ARID1B: variants seen among roughly 807,000 people sequenced by gnomAD.
ARID1B encodes the protein AT-rich interaction domain 1B, also known as AT-rich interactive domain-containing protein 1B.
A neutral mutation model predicts 212.3 loss-of-function variants in ARID1B; 30 were observed. The ratio of observed to expected loss-of-function variants is 0.14; its 90% CI spans 0.11 to 0.19. ARID1B has a LOEUF of 0.19. Ranked by LOEUF, ARID1B falls within the 10% of genes least tolerant of loss-of-function variation. The probability of loss-of-function intolerance (pLI) is 1.00; values close to 1 mark genes in which losing one functional copy is unlikely to be tolerated. For missense variants in ARID1B, 2,891 were observed against 3,204.0 expected (o/e 0.90, Z 2.36); for synonymous variants, 1,402 against 1,301.7 (o/e 1.08, Z -1.66).
chr6:157,065,234 A>G (rs1204963586), intron 4 of ARID1B, among the ~76,000 whole-genome samples: 1 of 152,224 alleles, frequency 6.6e-6, no homozygotes, highest in Non-Finnish European at 1.5e-5. Context: ...TCTGAGAGAC[A>G]AATGAAAAAT....
intron 2 of ARID1B, among the ~76,000 whole-genome samples, chr6:156,838,816 A>G (rs1783695220): frequency 6.6e-6 from 1 of 152,104 alleles, no homozygotes; most frequent in Non-Finnish European, 1.5e-5. Context: ...AGAACTGGGA[A>G]AAGGTAAAGC....
At chr6:157,080,305 C>G (rs1271934422) in intron 4 of ARID1B, among the ~76,000 whole-genome samples, 1 of 152,152 alleles carries the variant, frequency 6.6e-6, no homozygotes, top group African/African-American at 2.4e-5. Flanking sequence ...GACTTATTCC[C>G]AGTTCTCTGA....
At chr6:156,881,080 C>T (rs1460700821) in intron 2 of ARID1B, among the ~76,000 whole-genome samples, 2 of 152,156 alleles carry the variant, frequency 1.3e-5, no homozygotes, top group Non-Finnish European at 2.9e-5. Flanking sequence ...TTGCCTGGGG[C>T]CTGCAGGAGT....
chr6:157,094,823 G>GT lies in ARID1B; in HGVS notation c.2491+9919dup, dbSNP rs1450417260. 1.3e-5 allele frequency among the ~76,000 whole-genome samples: 2 copies of GT among 152,316 alleles called. No individual in the cohort carries two copies. The highest frequency in any genetic ancestry group is 1.3e-4 in the Admixed American group (2 of 15,304). On this transcript the variant is annotated intron_variant, in intron 5 of 19. Coordinates refer to ENST00000636930, the MANE Select transcript of ARID1B (RefSeq NM_001374828.1). This position sits in a 1 kb window ranked among gnomAD's most constrained non-coding sequence, Gnocchi z 4.3. ...GAGGCTCCTGCAGTAACCACGCGGA[G>GT]TGTTGATGGCCGCTTGGATGTGCAC...
At chr6:157,002,409 G>C (rs1442801317) in intron 4 of ARID1B, among the ~76,000 whole-genome samples, 1 of 152,154 alleles carries the variant, frequency 6.6e-6, no homozygotes, top group Non-Finnish European at 1.5e-5. Flanking sequence ...AAATCTGTGA[G>C]AGGACTAAAA....
chr6:157,033,859 G>A (rs1034103108), intron 4 of ARID1B, among the ~76,000 whole-genome samples: 2 of 152,140 alleles, frequency 1.3e-5, no homozygotes, highest in Non-Finnish European at 2.9e-5. Flanking sequence ...TTTGCCTTTA[G>A]GAAGTTTCTA....
chr6:157,186,423 GC>G (rs1562333324), intron 13 of ARID1B: 1 of 471,096 alleles, frequency 2.1e-6, no homozygotes, highest in South Asian at 1.5e-5. Context: ...GTCTCGTCCA[GC>G]CCCGAGAGCG....
chr6:156,997,567 A>G (rs908909203), intron 4 of ARID1B, among the ~76,000 whole-genome samples: 4 of 152,100 alleles, frequency 2.6e-5, no homozygotes, highest in Non-Finnish European at 5.9e-5. Context: ...TATCCTCTCT[A>G]TGTAAGAAGT....
chr6:156,785,074 A>G (rs1779543978), intron 1 of ARID1B, among the ~76,000 whole-genome samples: 1 of 152,154 alleles, frequency 6.6e-6, no homozygotes, highest in Admixed American at 6.5e-5. Flanking sequence ...TTACTTACTT[A>G]AATAGGATCC....
chr6:156,939,636 T>C (rs1792516773), intron 4 of ARID1B: 1 of 152,224 alleles, frequency 6.6e-6, no homozygotes, highest in Non-Finnish European at 1.5e-5. Flanking sequence ...GCACCTGTGC[T>C]CTCTGTGCTG....
intron 6 of ARID1B, among the ~76,000 whole-genome samples, chr6:157,127,721 A>G (rs1788227091): frequency 6.8e-6 from 1 of 146,160 alleles, no homozygotes; most frequent in Non-Finnish European, 1.5e-5. Context: ...AGTTGCAGTG[A>G]GCCAAGATCG....
intron 4 of ARID1B, chr6:156,942,366 A>G (rs1371359017): frequency 1.3e-5 from 2 of 152,216 alleles, no homozygotes; most frequent in Non-Finnish European, 1.5e-5. Flanking sequence ...AGGGATGGGC[A>G]GGCTTTGACC....
At chr6:157,128,177 T>C (rs1788271238) in intron 6 of ARID1B, among the ~76,000 whole-genome samples, 2 of 152,210 alleles carry the variant, frequency 1.3e-5, no homozygotes, top group South Asian at 4.1e-4. Flanking sequence ...CTTCTAATTT[T>C]TTATCAATTT....
chr6:156,971,762 G>C (rs896319702), intron 4 of ARID1B, among the ~76,000 whole-genome samples: 1 of 152,106 alleles, frequency 6.6e-6, no homozygotes, highest in Non-Finnish European at 1.5e-5. Flanking sequence ...CTTCCTCAAG[G>C]CCAGCCAGAG....
intron 8 of ARID1B, among the ~76,000 whole-genome samples, chr6:157,165,446 T>TA (rs1791259910): frequency 6.6e-6 from 1 of 152,234 alleles, no homozygotes; most frequent in African/African-American, 2.4e-5. Context: ...GTAGACCAGT[T>TA]ATGGCTTTGA....
chr6:157,171,251 T>C (rs1361592292), intron 9 of ARID1B, among the ~76,000 whole-genome samples: 1 of 152,252 alleles, frequency 6.6e-6, no homozygotes, highest in Non-Finnish European at 1.5e-5. Context: ...AGGCTGGTGC[T>C]TGAAAAGTAT....
intron 4 of ARID1B, among the ~76,000 whole-genome samples, chr6:156,986,487 T>C (rs1054982752): frequency 6.6e-6 from 1 of 152,210 alleles, no homozygotes; most frequent in Non-Finnish European, 1.5e-5. Flanking sequence ...GGCTGGTAGT[T>C]AGGCCCTTGC....
chr6:157,021,997 A>AACC (rs1780329004), intron 4 of ARID1B, among the ~76,000 whole-genome samples: 1 of 152,110 alleles, frequency 6.6e-6, no homozygotes, highest in Non-Finnish European at 1.5e-5. Context: ...CCCCTCTCAA[A>AACC]ACCACCACCC....
rs554282837 is a variant in ARID1B, at chr6:157,188,293, C to A, written c.3920-1349C>A. ...CTTCTCTAAGTCATTCAGTGCAGGG[C>A]TCACAGGGACGGATGTTACGCAGTG... is the stretch of plus-strand genomic sequence containing the variant. On this transcript the variant is annotated intron_variant, in intron 13 of 19. Transcript: ENST00000636930. Among the ~76,000 whole-genome samples the A allele has an allele frequency of 5.3e-5, 8 of 152,258 alleles. 1 individual carries two copies. In the South Asian group the frequency reaches 1.7e-3, roughly 32 times the overall value.
Sources: gnomAD v4.1 joint callset for allele counts (sites outside exome capture counted in the v4.1 genomes callset) on GRCh38, gnomAD v4.1.1 for gene constraint, Gnocchi (gnomAD v3.1) non-coding constraint, MANE v1.5 for transcripts, NCBI Gene and HGNC (gene_info 2026-07-23, HGNC 2026-07-21) for gene names.